Variants in GREB1 observed in about 807,000 individuals in gnomAD.
GREB1 encodes the protein protein GREB1.
A neutral mutation model predicts 200.7 loss-of-function variants in GREB1; 106 were observed. The ratio of observed to expected loss-of-function variants is 0.53; its 90% CI spans 0.45 to 0.62. The LOEUF is 0.62. GREB1 is among the 20% of genes least tolerant of loss of function. The pLI is 0.00. For missense variants in GREB1, 2,243 were observed against 2,556.8 expected, an observed-to-expected ratio of 0.88 and a Z score of 2.65; for synonymous variants, 1,132 against 1,092.4, an observed-to-expected ratio of 1.04 and a Z score of -0.72.
chr2:11,556,487 T>G lies in GREB1; in HGVS notation c.-128T>G, dbSNP rs1676446671. The stretch of plus-strand genomic sequence containing the variant: ...GCTGAGGACAGCCACCCTTTCTTCG[T>G]CTCTGCTGAGCGAAGGCTACACGGC... On this transcript the variant is annotated 5_prime_UTR_variant, in exon 2 of 33. Transcript: ENST00000381486. The G allele has an allele frequency of 1.4e-6, 1 of 692,044 alleles. No homozygotes were observed. The highest frequency in any genetic ancestry group is 2.4e-6 in the Non-Finnish European group (1 of 418,386). 42.9% of individuals were successfully genotyped at this position (692,044 alleles called of 1,614,324 possible).
At chr2:11,562,341 G>A (rs1677147294) in intron 2 of GREB1, 122 bp from the exon 3 acceptor site, 5 of 1,297,864 alleles carry the variant, frequency 3.9e-6, no homozygotes, top group Admixed American at 2.3e-5. Flanking sequence ...AACCCATTCT[G>A]GATTAGTCCC....
At chr2:11,613,803 C>A (rs1359630300) in intron 19 of GREB1, among the ~76,000 whole-genome samples, 2 of 152,172 alleles carry the variant, frequency 1.3e-5, no homozygotes, top group East Asian at 3.8e-4. Context: ...AAACTTACTC[C>A]TTGCTGCAGT....
intron 1 of GREB1, among the ~76,000 whole-genome samples, chr2:11,519,988 A>G (rs751093080): frequency 1.8e-4 from 28 of 152,122 alleles, no homozygotes; most frequent in Admixed American, 5.2e-4. Flanking sequence ...AAATACAAAA[A>G]TTAGCCAGGC....
At chr2:11,513,010 G>A (rs1033124430) in intron 1 of GREB1, among the ~76,000 whole-genome samples, 10 of 152,134 alleles carry the variant, frequency 6.6e-5, no homozygotes, top group Admixed American at 3.3e-4. Flanking sequence ...CTGTCCGTCC[G>A]CCTGGGAATG....
chr2:11,488,234 C>T (rs1572540524), intron 1 of GREB1, among the ~76,000 whole-genome samples: 1 of 152,070 alleles, frequency 6.6e-6, no homozygotes, highest in East Asian at 1.9e-4. Context: ...TGTGGTTTAA[C>T]GAGCCTCTCC....
intron 22 of GREB1, among the ~76,000 whole-genome samples, chr2:11,620,624 T>C (rs1683925850): frequency 9.2e-5 from 14 of 152,226 alleles, no homozygotes; most frequent in Admixed American, 9.2e-4. Flanking sequence ...CTTTGGCTTA[T>C]GATAAACTTC....
In GREB1 at chr2:11,640,432, T is replaced by A. The variant is rs1685736203; in HGVS notation, c.5828T>A (p.Phe1943Tyr). The A allele has an allele frequency of 6.2e-7, 1 of 1,614,102 alleles. No homozygotes were observed. Among genetic ancestry groups the A allele is most frequent in the African/African-American group, 1.3e-5 (1 of 74,952 alleles). ...GCCAGGGAAGACCGGCCGCTCTTTT[T>A]TCTGACGGGACGACACATCTGAGGA... ...ANAREDRPLF[F>Y]LTGRHI is the part of the protein sequence containing the mutation. The change falls in exon 33 of 33, where the codon TTT becomes TAT. Residue 1943 changes from phenylalanine (F) to tyrosine (Y), a missense_variant. Physicochemically the swap from Phe to Tyr is conservative, Grantham distance 22. Around this residue, in one of 3 missense-constraint regions of GREB1, gnomAD observed 478 missense variants for 616.3 expected, o/e 0.78. Coordinates refer to ENST00000381486, the MANE Select transcript of GREB1 (RefSeq NM_014668.4). The surrounding 1 kb of genome is among the most constrained non-coding windows in gnomAD (Gnocchi z 4.6).
chr2:11,522,869 A>C (rs183984829), intron 1 of GREB1, among the ~76,000 whole-genome samples: 1 of 152,334 alleles, frequency 6.6e-6, no homozygotes, highest in Admixed American at 6.5e-5. Context: ...AGGATTCCCA[A>C]AGTGCCTGTC....
Position 11,640,251 on chromosome 2 carries a change from C to A in GREB1, c.5687-40C>A. On this transcript the variant is annotated intron_variant, in intron 32 of 32. Coordinates refer to ENST00000381486, the MANE Select transcript of GREB1 (RefSeq NM_014668.4). The surrounding 1 kb of genome is among the most constrained non-coding windows in gnomAD (Gnocchi z 4.6). ...GCAGCCGCTTTCCTCTGGATAAACTCACCTTTTCCCTTCCCACACCTCTGC... is the reference window on the plus strand; with the variant it reads ...GCAGCCGCTTTCCTCTGGATAAACTAACCTTTTCCCTTCCCACACCTCTGC... The A allele has an allele frequency of 6.3e-7, 1 of 1,583,036 alleles. No homozygotes were observed.
At position 11,634,551 on chromosome 2, in the gene GREB1, TA is replaced by T. The variant is rs549618847; in HGVS notation, c.5210+203del. Among the ~76,000 whole-genome samples, 10 of 152,388 alleles carry T rather than the reference TA, an allele frequency of 6.6e-5. No homozygotes were observed. The South Asian group carries it at 2.1e-3, about 32-fold the overall frequency. ...TCATTCACCAATTCTCATGATGCTT[TA>T]TTGAGTGAGTTATATTGGACTGTGT... On this transcript the variant is annotated intron_variant, in intron 29 of 32. Transcript: ENST00000381486.
intron 1 of GREB1, among the ~76,000 whole-genome samples, chr2:11,497,971 CTTTTTTTTTT>C (rs70955803): frequency 2.7e-4 from 11 of 40,618 alleles, no homozygotes; most frequent in African/African-American, 6.4e-4. Context: ...CAGAGCAAAA[CTTTTTTTTTT>C]TTTTTTTTTT....
At chr2:11,612,327 T>C in intron 18 of GREB1, 168 bp from the exon 19 acceptor site, 1 of 1,358,390 alleles carries the variant, frequency 7.4e-7, no homozygotes, top group Admixed American at 3.1e-5. Flanking sequence ...GAAAATACGG[T>C]GGCCAAGTGG....
At chr2:11,625,018 C>G (rs905687064) in intron 23 of GREB1, 136 bp from the exon 24 acceptor site, 5 of 727,316 alleles carry the variant, frequency 6.9e-6, no homozygotes, top group Non-Finnish European at 9.6e-6. Flanking sequence ...TAAGTGCACT[C>G]TAGGATGTTA....
At chr2:11,614,771 G>T (rs1683254013) in intron 19 of GREB1, among the ~76,000 whole-genome samples, 1 of 152,146 alleles carries the variant, frequency 6.6e-6, no homozygotes, top group Admixed American at 6.5e-5. Flanking sequence ...CACCGTGTTA[G>T]CCAGGATGGT....
intron 17 of GREB1, among the ~76,000 whole-genome samples, chr2:11,605,284 G>A (rs935930129): frequency 2.7e-5 from 4 of 150,032 alleles, no homozygotes; most frequent in South Asian, 2.1e-4. Context: ...GAAGTGCAAC[G>A]GCGCGATCTC....
chr2:11,614,056 C>T (rs1337567749), intron 19 of GREB1, among the ~76,000 whole-genome samples: 1 of 152,038 alleles, frequency 6.6e-6, no homozygotes, highest in Non-Finnish European at 1.5e-5. Flanking sequence ...GTACCCTGGC[C>T]TGTGTTCACT....
At chr2:11,495,795 C>CT (rs1393933225) in intron 1 of GREB1, among the ~76,000 whole-genome samples, 1 of 140,470 alleles carries the variant, frequency 7.1e-6, no homozygotes, top group Admixed American at 7.5e-5. Flanking sequence ...TAAGTCCCCC[C>CT]GTTTTTTTTT....
chr2:11,531,225 C>T (rs751987452), upstream of GREB1, among the ~76,000 whole-genome samples: 1 of 152,114 alleles, frequency 6.6e-6, no homozygotes, highest in Non-Finnish European at 1.5e-5. Context: ...TTGCTTGACG[C>T]ATACAAGCAG....
chr2:11,579,110 A>G (rs1046098071), intron 6 of GREB1, among the ~76,000 whole-genome samples: 1 of 152,212 alleles, frequency 6.6e-6, no homozygotes, highest in African/African-American at 2.4e-5. Flanking sequence ...CCTCCTGCCC[A>G]GAGGGTCTGT....
Sources: allele counts gnomAD v4.1 joint callset (sites outside exome capture counted in the v4.1 genomes callset), GRCh38; gene constraint gnomAD v4.1.1; regional missense constraint gnomAD v4.1.1; non-coding constraint Gnocchi (gnomAD v3.1); transcripts MANE v1.5; gene names NCBI Gene and HGNC (gene_info 2026-07-23, HGNC 2026-07-21).